IL1RAP: variants seen among roughly 807,000 people sequenced by gnomAD.
IL1RAP encodes the protein interleukin 1 receptor accessory protein, also known as interleukin-1 receptor accessory protein.
In IL1RAP, 35 loss-of-function variants were observed where a neutral mutation model predicts 60.7. The ratio of observed to expected loss-of-function variants is 0.58; its 90% CI spans 0.44 to 0.76. IL1RAP has a LOEUF of 0.76. IL1RAP is among the 30% of genes least tolerant of loss of function. The pLI is 0.00. For missense variants in IL1RAP, 572 were observed against 693.9 expected (o/e 0.82, Z 1.97); for synonymous variants, 268 against 250.9 (o/e 1.07, Z -0.64).
At chr3:190,601,600 T>C (rs920036681) in intron 3 of IL1RAP, among the ~76,000 whole-genome samples, 1 of 152,152 alleles carries the variant, frequency 6.6e-6, no homozygotes. Context: ...ATTAGAATAA[T>C]GACAAGTGAG....
At chr3:190,550,551 C>G (rs1724776549) in intron 1 of IL1RAP, 1 of 152,252 alleles carries the variant, frequency 6.6e-6, no homozygotes, top group Non-Finnish European at 1.5e-5. Flanking sequence ...TGGCGCTTGG[C>G]TTTGGTTAGC....
intron 2 of IL1RAP, chr3:190,564,082 T>C (rs1048641774): frequency 2.2e-5 from 12 of 554,264 alleles, no homozygotes; most frequent in Non-Finnish European, 3.6e-5. Context: ...CTGCATGTAA[T>C]ATGGGAATTG....
chr3:190,517,848 C>T (rs1721665827), intron 1 of IL1RAP: 1 of 152,322 alleles, frequency 6.6e-6, no homozygotes, highest in South Asian at 2.1e-4. Context: ...TGCTCAACTT[C>T]ATCAGGCTTT....
intron 1 of IL1RAP, among the ~76,000 whole-genome samples, chr3:190,553,390 C>A (rs562922502): frequency 6.6e-6 from 1 of 152,284 alleles, no homozygotes; most frequent in African/African-American, 2.4e-5. Flanking sequence ...TAAACAACCA[C>A]CACGCTTAAA....
At chr3:190,633,759 G>A (rs1387880971) in intron 9 of IL1RAP, among the ~76,000 whole-genome samples, 1 of 152,170 alleles carries the variant, frequency 6.6e-6, no homozygotes, top group African/African-American at 2.4e-5. Flanking sequence ...ACTTTAGGGT[G>A]GGGTTTGTTT....
At chr3:190,516,876 CAG>C (rs1211288203) in intron 1 of IL1RAP, among the ~76,000 whole-genome samples, 4 of 152,158 alleles carry the variant, frequency 2.6e-5, no homozygotes, top group Admixed American at 6.5e-5. Context: ...GAATGAGACT[CAG>C]AGAAATGAAA....
chr3:190,583,162 T>G (rs1728151305), intron 3 of IL1RAP, among the ~76,000 whole-genome samples: 1 of 152,232 alleles, frequency 6.6e-6, no homozygotes, highest in African/African-American at 2.4e-5. Flanking sequence ...AATTGGGTAA[T>G]TATTTATTTA....
chr3:190,572,458 C>A lies in IL1RAP; in HGVS notation c.64+8105C>A, dbSNP rs184830755. On this transcript the variant is annotated intron_variant, in intron 3 of 11. Transcript: ENST00000447382. The stretch of plus-strand genomic sequence containing the variant: ...AGGGAGAGAGGAAGAGAGAGAGAGA[C>A]CTTTTTTTGAAAAAGAGAGATAGTA... 2.4e-3 allele frequency among the ~76,000 whole-genome samples: 349 copies of A among 145,942 alleles called. 5 individuals are homozygous for A. The highest frequency in any genetic ancestry group is 4.5e-4 in the Non-Finnish European group (29 of 64,776).
At chr3:190,597,563 T>C (rs1034951900) in intron 3 of IL1RAP, among the ~76,000 whole-genome samples, 6 of 152,148 alleles carry the variant, frequency 3.9e-5, no homozygotes, top group Non-Finnish European at 8.8e-5. Context: ...TCAGAGATTA[T>C]GCTGGGGATT....
chr3:190,515,245 T>TTTC (rs546894694), intron 1 of IL1RAP, among the ~76,000 whole-genome samples: 1 of 126,422 alleles, frequency 7.9e-6, no homozygotes, highest in Non-Finnish European at 1.6e-5. Flanking sequence ...TTTTTTTTTT[T>TTTC]CCAGCCAAAA....
intron 1 of IL1RAP, among the ~76,000 whole-genome samples, chr3:190,526,703 T>C (rs1235647430): frequency 6.6e-6 from 1 of 152,252 alleles, no homozygotes; most frequent in Non-Finnish European, 1.5e-5. Context: ...TGGAACATAA[T>C]TAGAGCTGAG....
intron 4 of IL1RAP, among the ~76,000 whole-genome samples, chr3:190,605,425 G>A (rs937895850): frequency 1.3e-5 from 2 of 151,882 alleles, no homozygotes; most frequent in Non-Finnish European, 2.9e-5. Flanking sequence ...TTAATTATTT[G>A]GTTACTTTTT....
intron 5 of IL1RAP, among the ~76,000 whole-genome samples, chr3:190,612,550 T>C (rs371931419): frequency 1.3e-5 from 2 of 152,204 alleles, no homozygotes; most frequent in African/African-American, 4.8e-5. Context: ...TTCCTGTTTA[T>C]TTATACCTGT....
intron 7 of IL1RAP, among the ~76,000 whole-genome samples, chr3:190,625,588 A>G (rs952488441): frequency 3.9e-5 from 6 of 152,192 alleles, no homozygotes; most frequent in Admixed American, 3.3e-4. Flanking sequence ...ATAGCAACAA[A>G]CAATAATAAA....
In IL1RAP at chr3:190,648,064, A is replaced by G. The variant is rs144656838; in HGVS notation, c.1346-274A>G. 1.6e-3 allele frequency among the ~76,000 whole-genome samples: 245 copies of G among 152,312 alleles called. 2 individuals are homozygous for G. Among genetic ancestry groups the G allele is most frequent in the African/African-American group, 5.7e-3 (235 of 41,588 alleles). ...TCTCAAGTGTTGTTTTTGAAGATCA[A>G]GGTCACAACACTATACTACCTTTTG... On this transcript the variant is annotated intron_variant, in intron 11 of 11. Coordinates refer to ENST00000447382, the MANE Select transcript of IL1RAP (RefSeq NM_002182.4).
At chr3:190,633,417 C>T (rs953093011) in intron 9 of IL1RAP, among the ~76,000 whole-genome samples, 10 of 152,208 alleles carry the variant, frequency 6.6e-5, no homozygotes, top group South Asian at 2.1e-4. Flanking sequence ...AGTGCAGTGG[C>T]GTGATCTCGG....
chr3:190,564,499 A>G, intron 3 of IL1RAP, 146 bp downstream of exon 3: 3 of 658,256 alleles, frequency 4.6e-6, no homozygotes, highest in Non-Finnish European at 8.2e-6. Context: ...AAAGCAGAAT[A>G]ATAGAATTTT....
chr3:190,636,273 T>A (rs1733216105), intron 9 of IL1RAP, among the ~76,000 whole-genome samples: 1 of 152,250 alleles, frequency 6.6e-6, no homozygotes, highest in Non-Finnish European at 1.5e-5. Flanking sequence ...TTTTCCAATA[T>A]ACTTTGTTAT....
At chr3:190,617,828 G>A (rs1731410969) in intron 5 of IL1RAP, among the ~76,000 whole-genome samples, 1 of 152,138 alleles carries the variant, frequency 6.6e-6, no homozygotes, top group East Asian at 1.9e-4. Flanking sequence ...GCAGGTTAAT[G>A]TTCATAGACA....
Sources: gnomAD v4.1 joint callset for allele counts (sites outside exome capture counted in the v4.1 genomes callset) on GRCh38, gnomAD v4.1.1 for gene constraint, MANE v1.5 for transcripts, NCBI Gene and HGNC (gene_info 2026-07-23, HGNC 2026-07-21) for gene names.